Variants in ZCCHC7 observed in about 807,000 individuals in gnomAD.
ZCCHC7 encodes the protein zinc finger CCHC domain-containing protein 7.
A neutral mutation model predicts 52.0 loss-of-function variants in ZCCHC7; 35 were observed. The ratio of observed to expected loss-of-function variants is 0.67; its 90% CI spans 0.51 to 0.89. The LOEUF is 0.89. Ranked by LOEUF, ZCCHC7 falls within the 40% of genes least tolerant of loss-of-function variation. The pLI is 0.00. For synonymous variants in ZCCHC7, 217 were observed against 221.5 expected (o/e 0.98, Z 0.18); for missense variants, 574 against 649.1 (o/e 0.88, Z 1.26).
chr9:37,206,667 C>G (rs1217175034), intron 2 of ZCCHC7, among the ~76,000 whole-genome samples: 2 of 152,052 alleles, frequency 1.3e-5, no homozygotes, highest in Non-Finnish European at 2.9e-5. Flanking sequence ...TTCTATGTGG[C>G]CAGTTTCTCT....
At chr9:37,190,620 G>A (rs1234629646) in intron 2 of ZCCHC7, among the ~76,000 whole-genome samples, 1 of 152,164 alleles carries the variant, frequency 6.6e-6, no homozygotes, top group African/African-American at 2.4e-5. Flanking sequence ...GGAACTCCTG[G>A]TATATTTGGA....
At chr9:37,146,641 AAGT>A (rs1843446658) in intron 2 of ZCCHC7, among the ~76,000 whole-genome samples, 1 of 151,960 alleles carries the variant, frequency 6.6e-6, no homozygotes, top group African/African-American at 2.4e-5. Flanking sequence ...TCAAAAAGGA[AAGT>A]AGTTTCTTTT....
At chr9:37,349,012 T>C (rs1376193264) in intron 6 of ZCCHC7, among the ~76,000 whole-genome samples, 1 of 152,198 alleles carries the variant, frequency 6.6e-6, no homozygotes, top group Non-Finnish European at 1.5e-5. Context: ...TAATGCCTTG[T>C]ACATACTACT....
At chr9:37,168,562 C>T (rs1178301304) in intron 2 of ZCCHC7, among the ~76,000 whole-genome samples, 1 of 152,124 alleles carries the variant, frequency 6.6e-6, no homozygotes, top group Non-Finnish European at 1.5e-5. Flanking sequence ...TTGGCATATT[C>T]GGTATTTCCT....
At chr9:37,136,529 C>T (rs932128705) in intron 2 of ZCCHC7, among the ~76,000 whole-genome samples, 5 of 152,068 alleles carry the variant, frequency 3.3e-5, no homozygotes, top group African/African-American at 1.2e-4. Context: ...GCAGTCATGG[C>T]TCACTGTAGC....
rs1330594490 is a variant in ZCCHC7, at chr9:37,175,995, A to G, written c.610+49053A>G. ...AGGTTGAACAACAAGAAATTAGTGTAATGGTTGAATATGGCAATTTCATAT... is the reference window on the plus strand; with the variant it reads ...AGGTTGAACAACAAGAAATTAGTGTGATGGTTGAATATGGCAATTTCATAT... On this transcript the variant is annotated intron_variant, in intron 2 of 8. Coordinates refer to ENST00000336755, the MANE Select transcript of ZCCHC7 (RefSeq NM_032226.3). Among the ~76,000 whole-genome samples the G allele has an allele frequency of 2.6e-5, 4 of 152,214 alleles. No homozygotes were observed. In the East Asian group the frequency reaches 7.7e-4, roughly 29 times the overall value.
intron 2 of ZCCHC7, among the ~76,000 whole-genome samples, chr9:37,294,660 C>G (rs1828699415): frequency 6.6e-6 from 1 of 152,056 alleles, no homozygotes; most frequent in African/African-American, 2.4e-5. Flanking sequence ...GGCTTATGTG[C>G]CCCAATTCAG....
chr9:37,126,115 C>T (rs924464012), intron 1 of ZCCHC7, among the ~76,000 whole-genome samples, 197 bp from the exon 2 acceptor site: 2 of 152,120 alleles, frequency 1.3e-5, no homozygotes, highest in African/African-American at 2.4e-5. Flanking sequence ...TAGTAATTCT[C>T]GTTGGGGAGT....
At chr9:37,182,454 T>TAGGTTCAAG (rs970028903) in intron 2 of ZCCHC7, among the ~76,000 whole-genome samples, 39 of 151,906 alleles carry the variant, frequency 2.6e-4, no homozygotes, top group Admixed American at 2.4e-3. Context: ...AGCCTCCGCC[T>TAGGTTCAAG]CCCAGGTTCA....
In ZCCHC7 at chr9:37,348,936, G is replaced by C. The variant is rs377131686; in HGVS notation, c.988-421G>C. On this transcript the variant is annotated intron_variant, in intron 6 of 8. Coordinates refer to ENST00000336755, the MANE Select transcript of ZCCHC7 (RefSeq NM_032226.3). ...AGTAAATTTAAGTTTTACACCTGCA[G>C]GGAAACTTTCTCTGACCCTTCTTTA... Among the ~76,000 whole-genome samples the C allele has an allele frequency of 2.0e-4, 30 of 152,296 alleles. 1 individual carries two copies. The East Asian group carries it at 3.5e-3, about 18-fold the overall frequency.
intron 2 of ZCCHC7, among the ~76,000 whole-genome samples, chr9:37,248,254 A>G (rs1826166841): frequency 6.6e-6 from 1 of 152,204 alleles, no homozygotes; most frequent in Non-Finnish European, 1.5e-5. Flanking sequence ...TTATTTTTGA[A>G]CAAACAGGTT....
intron 2 of ZCCHC7, among the ~76,000 whole-genome samples, chr9:37,219,428 C>T (rs1424791350): frequency 6.6e-6 from 1 of 152,158 alleles, no homozygotes; most frequent in Non-Finnish European, 1.5e-5. Flanking sequence ...AAATTAATTC[C>T]TTGAGATGGC....
At chr9:37,259,390 T>C (rs1180414327) in intron 2 of ZCCHC7, among the ~76,000 whole-genome samples, 1 of 152,200 alleles carries the variant, frequency 6.6e-6, no homozygotes, top group East Asian at 1.9e-4. Flanking sequence ...TTTCTGCAAA[T>C]TCATTTTAGT....
At chr9:37,182,628 A>G (rs1346644830) in intron 2 of ZCCHC7, among the ~76,000 whole-genome samples, 1 of 152,214 alleles carries the variant, frequency 6.6e-6, no homozygotes, top group East Asian at 1.9e-4. Context: ...AGCCTCCCAA[A>G]GTGCTGGGAT....
chr9:37,227,064 C>T (rs943862478), intron 2 of ZCCHC7, among the ~76,000 whole-genome samples: 1 of 151,128 alleles, frequency 6.6e-6, no homozygotes. Context: ...ATCTGAATAC[C>T]TTGGGTTATA....
In ZCCHC7 at chr9:37,317,843, ACC is replaced by A. The variant is rs11294970; in HGVS notation, c.952-9949_952-9948del. ...TTAACTGCCTCCCCCACTCCCCCCG[ACC>A]CCCCCCAAAAAAGCCTGTTTATCCA... On this transcript the variant is annotated intron_variant, in intron 5 of 8. Transcript: ENST00000336755. Among the ~76,000 whole-genome samples the A allele has an allele frequency of 2.0e-3, 268 of 131,682 alleles. 2 individuals are homozygous for A. Among genetic ancestry groups the A allele is most frequent in the African/African-American group, 7.1e-3 (256 of 35,954 alleles). The allele number at this position is 131,682 out of a possible 152,430, so 86.4% of individuals were successfully genotyped here.
intron 2 of ZCCHC7, among the ~76,000 whole-genome samples, chr9:37,249,953 C>T (rs919298581): frequency 2.0e-5 from 3 of 152,144 alleles, no homozygotes; most frequent in Non-Finnish European, 4.4e-5. Flanking sequence ...CTGCCTAACT[C>T]GTAGAAAGGC....
intron 2 of ZCCHC7, among the ~76,000 whole-genome samples, chr9:37,291,387 C>T (rs938352155): frequency 6.6e-6 from 1 of 151,402 alleles, no homozygotes; most frequent in East Asian, 1.9e-4. Flanking sequence ...AGAGTATTCT[C>T]ATAGTTACTC....
intron 2 of ZCCHC7, among the ~76,000 whole-genome samples, chr9:37,205,598 C>T (rs997947027): frequency 2.6e-5 from 4 of 152,186 alleles, no homozygotes; most frequent in African/African-American, 9.6e-5. Flanking sequence ...CTCACTGCAA[C>T]CTCCACCTCT....
Sources: allele counts gnomAD v4.1 joint callset (sites outside exome capture counted in the v4.1 genomes callset), GRCh38; gene constraint gnomAD v4.1.1; transcripts MANE v1.5; gene names NCBI Gene and HGNC (gene_info 2026-07-23, HGNC 2026-07-21).